Variants in MYO7B observed in about 807,000 individuals in gnomAD.
The protein encoded by MYO7B is unconventional myosin-VIIb.
Under a neutral mutation model 259.7 loss-of-function variants are expected in MYO7B, and 212 were observed. The observed-to-expected ratio is 0.82, with a 90% CI of 0.73 to 0.91. The LOEUF is 0.91. Among genes scored for constraint, MYO7B ranks in the 40% least tolerant of loss-of-function variants. The pLI is 0.00. For synonymous variants in MYO7B, 1,197 were observed against 1,166.4 expected, an observed-to-expected ratio of 1.03 and a Z score of -0.54; for missense variants, 2,732 against 2,813.5, an observed-to-expected ratio of 0.97 and a Z score of 0.66.
rs1678000256 is a variant in MYO7B, at chr2:127,559,919, C to G, written c.18+179C>G. 6.6e-6 allele frequency among the ~76,000 whole-genome samples: 1 copy of G among 152,176 alleles called. No individual in the cohort carries two copies. Among genetic ancestry groups the G allele is most frequent in the Non-Finnish European group, 1.5e-5 (1 of 68,028 alleles). ...TAAAGAAAACAAGTTTGGCCAGCCA[C>G]TGGCCTCGGCAATACATGTATAGTT... is the stretch of plus-strand genomic sequence containing the variant. On this transcript the variant is annotated intron_variant, in intron 2 of 47. Coordinates refer to ENST00000409816, the MANE Select transcript of MYO7B (RefSeq NM_001393586.1). The surrounding 1 kb of genome is among the most constrained non-coding windows in gnomAD (Gnocchi z 4.1).
intron 1 of MYO7B, among the ~76,000 whole-genome samples, chr2:127,540,976 G>A (rs980127510): frequency 3.3e-5 from 5 of 152,184 alleles, no homozygotes; most frequent in African/African-American, 1.2e-4. Flanking sequence ...GTTTTCTCAG[G>A]TGCTAGCTCT....
Position 127,637,480 on chromosome 2 carries a change from C to T in MYO7B, c.*63C>T. On this transcript the variant is annotated 3_prime_UTR_variant, in exon 48 of 48. Transcript: ENST00000409816. ...GACCTCTAGCCTGGCGGCACCTTCC[C>T]AGGCCCTCTCAACCCAGGGCCTGTC... The T allele has an allele frequency of 1.6e-6, 2 of 1,256,620 alleles. No individual in the cohort carries two copies. The highest frequency in any genetic ancestry group is 2.2e-6 in the Non-Finnish European group (2 of 923,840). The allele number at this position is 1,256,620 out of a possible 1,614,324, so 77.8% of individuals were successfully genotyped here.
rs199841889 is a variant in MYO7B at position 127,605,596 on chromosome 2, T to TA, written c.2340-241dup. ...TGAGCAACAAGAGTGAAACTCCATC[T>TA]AAAAAAACAAAAAACAAAAAACACT... On this transcript the variant is annotated intron_variant, in intron 19 of 47. Transcript: ENST00000409816. Among the ~76,000 whole-genome samples the TA allele has an allele frequency of 3.3e-4, 50 of 152,144 alleles. No homozygotes were observed. The East Asian group carries it at 9.5e-3, about 29-fold the overall frequency.
chr2:127,565,471 G>T, intron 4 of MYO7B, 86 bp downstream of exon 4: 1 of 1,539,270 alleles, frequency 6.5e-7, no homozygotes, highest in African/African-American at 1.4e-5. Flanking sequence ...ATGCACAGGG[G>T]GCACTGCCCC....
At position 127,627,279 on chromosome 2, in the gene MYO7B, T is replaced by C; in HGVS notation, c.4429T>C (p.Phe1477Leu). 6.2e-7 allele frequency: 1 copy of C among 1,613,028 alleles called. No homozygotes were observed. The highest frequency in any genetic ancestry group is 8.5e-7 in the Non-Finnish European group (1 of 1,179,722). ...GGAGAAGATGCTGCTGGAACTCTCT[T>C]TCCCAGAGGTCATGGGTCTGGCCAC... ...QQEKMLLELS[F>L]PEVMGLATNR... Residue 1477 changes from phenylalanine (F) to leucine (L), a missense_variant, in exon 33 of 48, where the codon TTC becomes CTC. Coordinates refer to ENST00000409816, the MANE Select transcript of MYO7B (RefSeq NM_001393586.1). The surrounding 1 kb of genome is among the most constrained non-coding windows in gnomAD (Gnocchi z 5.6).
intron 6 of MYO7B, among the ~76,000 whole-genome samples, chr2:127,571,573 T>G (rs184722733): frequency 1.3e-5 from 2 of 151,538 alleles, no homozygotes; most frequent in Non-Finnish European, 2.9e-5. Context: ...CTCTGCCTGT[T>G]AGGTTCAAGC....
At chr2:127,560,468 A>C (rs756141046) in intron 2 of MYO7B, among the ~76,000 whole-genome samples, 4 of 152,148 alleles carry the variant, frequency 2.6e-5, no homozygotes, top group Non-Finnish European at 4.4e-5. Flanking sequence ...CCTTCACTCA[A>C]CAAATATTCC....
intron 36 of MYO7B, 55 bp from the exon 37 acceptor site, chr2:127,631,151 G>C: frequency 6.6e-7 from 1 of 1,513,832 alleles, no homozygotes; most frequent in Non-Finnish European, 8.9e-7. Context: ...GGACAGAGAA[G>C]CGTGGGACAG....
rs1394213937 is a variant in MYO7B, at chr2:127,592,914, G to T, written c.2113G>T (p.Gly705Cys). The change falls in exon 17 of 48, where the codon GGC becomes TGC. Residue 705 changes from glycine to cysteine, a missense_variant. This residue lies in a region of MYO7B where 1,906 missense variants were observed against 2,026.4 expected (regional missense o/e 0.94). Transcript: ENST00000409816. Reference sequence around the variant, plus strand: ...GTTCGAGGAGTTCTCGCAGAGGTTCGGCGTGTTGCTGCCCAACGCCATGCG... The same window carrying T: ...GTTCGAGGAGTTCTCGCAGAGGTTCTGCGTGTTGCTGCCCAACGCCATGCG... ...YTFEEFSQRF[G>C]VLLPNAMRMQ... is the part of the protein sequence containing the mutation. 1.2e-6 allele frequency: 2 copies of T among 1,603,900 alleles called. No individual in the cohort carries two copies. The highest frequency in any genetic ancestry group is 1.7e-6 in the Non-Finnish European group (2 of 1,176,000).
intron 20 of MYO7B, among the ~76,000 whole-genome samples, chr2:127,606,849 G>T (rs1181310650): frequency 1.3e-5 from 2 of 152,232 alleles, no homozygotes; most frequent in Admixed American, 6.5e-5. Context: ...CAAGTCAGCT[G>T]AACTTGGCTG....
chr2:127,571,442 G>GTTTTTTTTTTTTGTTTTTTT (rs1553448473), intron 6 of MYO7B, among the ~76,000 whole-genome samples: 3 of 41,984 alleles, frequency 7.1e-5, no homozygotes, highest in Non-Finnish European at 9.1e-5. Flanking sequence ...TTACCAGTGA[G>GTTTTTTTTTTTTGTTTTTTT]TTTTTTTTTT....
At position 127,609,324 on chromosome 2, in the gene MYO7B, C is replaced by T. The variant is rs1464760261; in HGVS notation, c.2815-182C>T. On this transcript the variant is annotated intron_variant, in intron 22 of 47. Transcript: ENST00000409816. The surrounding 1 kb of genome is among the most constrained non-coding windows in gnomAD (Gnocchi z 6.9). ...CTGCCCGGCAGGGTGTGTAGAGAGC[C>T]CTGTGCTGGCACACGGCAGCCCACC... Among the ~76,000 whole-genome samples, 1 of 151,962 alleles carries T rather than the reference C, an allele frequency of 6.6e-6. No individual in the cohort carries two copies. Among genetic ancestry groups the T allele is most frequent in the Admixed American group, 6.5e-5 (1 of 15,270 alleles).
At chr2:127,593,970 T>C (rs1679669392) in intron 18 of MYO7B, among the ~76,000 whole-genome samples, 1 of 152,176 alleles carries the variant, frequency 6.6e-6, no homozygotes, top group African/African-American at 2.4e-5. Flanking sequence ...CTCAGGGCGG[T>C]CTGCCGGTGT....
At position 127,631,707 on chromosome 2, in the gene MYO7B, G is replaced by A. The variant is rs1450105393; in HGVS notation, c.5203G>A (p.Glu1735Lys). 9.3e-6 allele frequency: 15 copies of A among 1,612,982 alleles called. No individual in the cohort carries two copies. The highest frequency in any genetic ancestry group is 1.1e-5 in the South Asian group (1 of 91,074). ...LALQHPALQDEVYCQILKQLT... is the reference protein window; with the variant it reads ...LALQHPALQDKVYCQILKQLT... Reference sequence around the variant, plus strand: ...CCTGCAGCACCCGGCCCTCCAGGACGAGGTCTACTGCCAGATCCTGAAGCA... The same window carrying A: ...CCTGCAGCACCCGGCCCTCCAGGACAAGGTCTACTGCCAGATCCTGAAGCA... Residue 1735 changes from glutamate (E) to lysine (K), a missense_variant, in exon 38 of 48, where the codon GAG becomes AAG. Around this residue, in one of 3 missense-constraint regions of MYO7B, gnomAD observed 821 missense variants for 769.3 expected, o/e 1.07. Transcript: ENST00000409816.
intron 1 of MYO7B, among the ~76,000 whole-genome samples, chr2:127,556,747 T>C (rs1438416459): frequency 6.6e-6 from 1 of 152,252 alleles, no homozygotes; most frequent in Non-Finnish European, 1.5e-5. Flanking sequence ...GAGTTTCTGC[T>C]GAGAAATCTG....
chr2:127,573,342 A>G (rs1168333436), intron 6 of MYO7B, among the ~76,000 whole-genome samples: 1 of 152,252 alleles, frequency 6.6e-6, no homozygotes, highest in East Asian at 1.9e-4. Flanking sequence ...ACTAGGATGT[A>G]ATGCAAAATA....
intron 16 of MYO7B, among the ~76,000 whole-genome samples, chr2:127,592,530 A>G (rs1679595979): frequency 6.6e-6 from 1 of 152,246 alleles, no homozygotes; most frequent in Non-Finnish European, 1.5e-5. Flanking sequence ...TGTGGGTGCC[A>G]CAGTTTCCAT....
intron 12 of MYO7B, among the ~76,000 whole-genome samples, chr2:127,582,930 G>A (rs1423852566): frequency 6.6e-6 from 1 of 152,226 alleles, no homozygotes; most frequent in Admixed American, 6.5e-5. Flanking sequence ...GTAACCAGGA[G>A]GCAGGTCAGA....
In MYO7B at chr2:127,536,476, G is replaced by C. The variant is rs867431761; in HGVS notation, c.-24+645G>C. Among the ~76,000 whole-genome samples, 27 of 148,236 alleles carry C rather than the reference G, an allele frequency of 1.8e-4. 1 individual carries two copies. Among genetic ancestry groups the C allele is most frequent in the East Asian group, 1.1e-3 (5 of 4,640 alleles). On this transcript the variant is annotated intron_variant, in intron 1 of 47. Transcript: ENST00000409816. ...CAGGTCTGGGGTGTGGTGGGGGGGGGGGTGGGGGAAGAGGTGGCTGAGGAG... is the reference window on the plus strand; with the variant it reads ...CAGGTCTGGGGTGTGGTGGGGGGGGCGGTGGGGGAAGAGGTGGCTGAGGAG...
Sources: allele counts gnomAD v4.1 joint callset (sites outside exome capture counted in the v4.1 genomes callset), GRCh38; gene constraint gnomAD v4.1.1; regional missense constraint gnomAD v4.1.1; non-coding constraint Gnocchi (gnomAD v3.1); transcripts MANE v1.5; gene names NCBI Gene and HGNC (gene_info 2026-07-23, HGNC 2026-07-21).